Variants in ARHGEF40 observed in about 807,000 individuals in gnomAD.
The protein encoded by ARHGEF40 is Rho guanine nucleotide exchange factor 40.
Under a neutral mutation model 165.9 loss-of-function variants are expected in ARHGEF40, and 98 were observed. The observed-to-expected ratio is 0.59, with a 90% CI of 0.50 to 0.70. The LOEUF is 0.70. Among genes scored for constraint, ARHGEF40 ranks in the 30% least tolerant of loss-of-function variants. ARHGEF40 has a pLI of 0.00. For synonymous variants in ARHGEF40, 792 were observed against 814.3 expected (o/e 0.97, Z 0.47); for missense variants, 1,815 against 1,968.0 (o/e 0.92, Z 1.47).
At position 21,088,219 on chromosome 14, in the gene ARHGEF40, G is replaced by A; in HGVS notation, c.4518+121G>A. 2.4e-6 allele frequency: 3 copies of A among 1,251,682 alleles called. No individual in the cohort carries two copies. The South Asian group carries it at 4.6e-5, about 19-fold the overall frequency. 77.5% of individuals were successfully genotyped at this position (1,251,682 alleles called of 1,614,324 possible). A position where few individuals can be genotyped will look rare whatever the true frequency, so the allele number is the denominator to read the frequency against. ...AAACTGTGAACTTGTGCTCCCAGCT[G>A]AGGCTACAGTCTGGATTTATTATCT... On this transcript the variant is annotated intron_variant, in intron 22 of 23. Coordinates refer to ENST00000298694, the MANE Select transcript of ARHGEF40 (RefSeq NM_018071.5).
Position 21,090,101 on chromosome 14 carries a change from T to C in ARHGEF40, c.*1093T>C, listed in dbSNP as rs560374073. On this transcript the variant is annotated 3_prime_UTR_variant, in exon 24 of 24. Transcript: ENST00000298694. The surrounding 1 kb of genome is among the most constrained non-coding windows in gnomAD (Gnocchi z 4.4). ...CCCTGTGCCTCAAGACACCTGTTTATTGGGGACACGACTCTGCAATAGGGA... is the reference window on the plus strand; with the variant it reads ...CCCTGTGCCTCAAGACACCTGTTTACTGGGGACACGACTCTGCAATAGGGA... The C allele has an allele frequency of 7.8e-6, 3 of 382,686 alleles. No homozygotes were observed. Among genetic ancestry groups the C allele is most frequent in the African/African-American group, 2.1e-5 (1 of 47,816 alleles). 23.7% of individuals were successfully genotyped at this position (382,686 alleles called of 1,614,324 possible).
chr14:21,080,475 T>C (rs77885767), intron 11 of ARHGEF40, among the ~76,000 whole-genome samples, 185 bp from the exon 12 acceptor site: 6,995 of 152,280 alleles, frequency 0.046, 159 homozygotes, highest in South Asian at 0.087. Context: ...GATTTCTTAC[T>C]CGGTTTCTCA....
At position 21,075,467 on chromosome 14, in the gene ARHGEF40, AC is replaced by A; in HGVS notation, c.1587del (p.Leu530Ter). The A allele has an allele frequency of 6.2e-7, 1 of 1,614,134 alleles. No individual in the cohort carries two copies. On this transcript the variant is annotated frameshift_variant, in exon 4 of 24. Coordinates refer to ENST00000298694, the MANE Select transcript of ARHGEF40 (RefSeq NM_018071.5). LOFTEE classifies it high-confidence loss of function. The surrounding 1 kb of genome is among the most constrained non-coding windows in gnomAD (Gnocchi z 4.5). ...TCTGATCACCCTGATGTAGCTTGGG[AC>A]TTGATGGCATCTGGATTCCTCATCC... ...SVSDHPDVAW[D>X]LMASGFLILT...
chr14:21,080,632 C>T, intron 11 of ARHGEF40, 28 bp from the exon 12 acceptor site: 4 of 1,598,632 alleles, frequency 2.5e-6, no homozygotes, highest in African/African-American at 1.3e-5. Flanking sequence ...CTCCATGACC[C>T]CCTGCCCTCC....
In ARHGEF40 at chr14:21,070,457, G is replaced by GC; in HGVS notation, c.3+63dup. On this transcript the variant is annotated intron_variant, in intron 1 of 23. Coordinates refer to ENST00000298694, the MANE Select transcript of ARHGEF40 (RefSeq NM_018071.5). This position sits in a 1 kb window ranked among gnomAD's most constrained non-coding sequence, Gnocchi z 4.7. ...TCGGCCTTCGCGCAGCCCGCTCCGG[G>GC]CCCCCAAGTCCTCAGCCTGGTGCCT... 7.4e-7 allele frequency: 1 copy of GC among 1,354,820 alleles called. No individual in the cohort carries two copies. The highest frequency in any genetic ancestry group is 9.4e-7 in the Non-Finnish European group (1 of 1,059,800). 83.9% of individuals were successfully genotyped at this position (1,354,820 alleles called of 1,614,324 possible).
At chr14:21,086,752 T>A in intron 19 of ARHGEF40, 1 of 458,794 alleles carries the variant, frequency 2.2e-6, no homozygotes, top group South Asian at 2.9e-5. Flanking sequence ...GCAGCTGGGA[T>A]GCCAAACAGC....
At chr14:21,069,627 C>A (rs1407013750), upstream of ARHGEF40, among the ~76,000 whole-genome samples, 1 of 152,248 alleles carries the variant, frequency 6.6e-6, no homozygotes, top group Non-Finnish European at 1.5e-5. Context: ...AACTCCCGCA[C>A]ACTCCCGCCT....
intron 20 of ARHGEF40, 64 bp downstream of exon 20, chr14:21,087,169 G>A: frequency 3.1e-6 from 5 of 1,592,538 alleles, no homozygotes; most frequent in Non-Finnish European, 3.4e-6. Flanking sequence ...AGGATACAAA[G>A]GGGAGGTATG....
rs1374231162 is a variant in ARHGEF40, at chr14:21,082,335, C to G, written c.3343C>G (p.Leu1115Val). ...SEPVPPPGPE[L>V]TPELRGTWAA... Reference sequence around the variant, plus strand: ...GCCAGTGCCACCCCCTGGGCCTGAGCTGACGCCTGAACTTCGGGGCACCTG... The same window carrying G: ...GCCAGTGCCACCCCCTGGGCCTGAGGTGACGCCTGAACTTCGGGGCACCTG... Residue 1115 changes from leucine to valine, a missense_variant, in exon 15 of 24, where the codon CTG becomes GTG. Coordinates refer to ENST00000298694, the MANE Select transcript of ARHGEF40 (RefSeq NM_018071.5). 1.2e-6 allele frequency: 2 copies of G among 1,612,756 alleles called. No individual in the cohort carries two copies. Among genetic ancestry groups the G allele is most frequent in the Admixed American group, 1.7e-5 (1 of 60,006 alleles).
In ARHGEF40 at chr14:21,075,045, G is replaced by A. The variant is rs1393267492; in HGVS notation, c.1315G>A (p.Gly439Arg). The A allele has an allele frequency of 1.9e-6, 3 of 1,613,970 alleles. No individual in the cohort carries two copies. Among genetic ancestry groups the A allele is most frequent in the African/African-American group, 2.7e-5 (2 of 74,934 alleles). Residue 439 changes from glycine (G) to arginine (R), a missense_variant, in exon 3 of 24, where the codon GGG becomes AGG. Transcript: ENST00000298694. The surrounding 1 kb of genome is among the most constrained non-coding windows in gnomAD (Gnocchi z 4.5). Reference sequence around the variant, plus strand: ...GGTTAAGGAGGAATATGAAGGCTCAGGGAAGCCAGAATCTGAGCCAAAAGA... The same window carrying A: ...GGTTAAGGAGGAATATGAAGGCTCAAGGAAGCCAGAATCTGAGCCAAAAGA... ...HLVKEEYEGS[G>R]KPESEPKELK...
chr14:21,083,442 C>T (rs371737842), intron 16 of ARHGEF40, among the ~76,000 whole-genome samples: 2 of 151,606 alleles, frequency 1.3e-5, no homozygotes, highest in Admixed American at 6.6e-5. Context: ...CCCAGCTACT[C>T]GGGAGGCTGA....
At chr14:21,063,112 G>A in the ARHGEF40 span, among the ~76,000 whole-genome samples, 2 of 151,914 alleles carry the variant, frequency 1.3e-5, no homozygotes, top group Non-Finnish European at 2.9e-5. Flanking sequence ...GCTGGGCAAC[G>A]GAGCGAGACC....
the ARHGEF40 span, among the ~76,000 whole-genome samples, chr14:21,061,935 C>T: frequency 2.6e-3 from 395 of 152,034 alleles, 9 homozygotes; most frequent in Admixed American, 0.017. Flanking sequence ...GCTCAAATGC[C>T]CAAATTACTT....
At chr14:21,069,891 C>A (rs1886544639), upstream of ARHGEF40, among the ~76,000 whole-genome samples, 1 of 152,218 alleles carries the variant, frequency 6.6e-6, no homozygotes, top group Non-Finnish European at 1.5e-5. Flanking sequence ...CAGGAAGACC[C>A]CAGTTCTGGG....
rs934903645 is a variant in ARHGEF40 at position 21,075,763 on chromosome 14, C to T, written c.1737C>T (p.Leu579=). 1.2e-6 allele frequency: 2 copies of T among 1,612,332 alleles called. No individual in the cohort carries two copies. Among genetic ancestry groups the T allele is most frequent in the Non-Finnish European group, 1.7e-6 (2 of 1,179,242 alleles). Residue 579 remains leucine (L), a splice_region_variant and synonymous_variant, in exon 5 of 24, where the codon CTC becomes CTT. Transcript: ENST00000298694. This position sits in a 1 kb window ranked among gnomAD's most constrained non-coding sequence, Gnocchi z 4.5. ...CTCTTCATTACCTCCACTCACTGCTCAGGTAACCGAGGCCCAGTCCTGGCA... is the reference window on the plus strand; with the variant it reads ...CTCTTCATTACCTCCACTCACTGCTTAGGTAACCGAGGCCCAGTCCTGGCA... ...NTTLHYLHSL[L]RPDLQTLGLS... is the part of the protein sequence containing the mutation.
In ARHGEF40 at chr14:21,074,383, C is replaced by A. The variant is rs1310608992; in HGVS notation, c.653C>A (p.Pro218His). 1 of 1,613,792 alleles carries A rather than the reference C, an allele frequency of 6.2e-7. No individual in the cohort carries two copies. The change falls in exon 3 of 24, where the codon CCT (proline) becomes CAT (histidine). Residue 218 changes from proline (P) to histidine (H), a missense_variant. Coordinates refer to ENST00000298694, the MANE Select transcript of ARHGEF40 (RefSeq NM_018071.5). This position sits in a 1 kb window ranked among gnomAD's most constrained non-coding sequence, Gnocchi z 4.8. ...CCAGGGCTTCCCAGCCCTCCACTTC[C>A]TGAGGAGGCGCTGGGTACCCGGAGT... is the stretch of plus-strand genomic sequence containing the variant. ...GPPGLPSPPL[P>H]EEALGTRSPG...
At position 21,075,341 on chromosome 14, in the gene ARHGEF40, GC is replaced by G; in HGVS notation, c.1463del (p.Pro488GlnfsTer39). The G allele has an allele frequency of 6.2e-7, 1 of 1,614,030 alleles. No homozygotes were observed. The highest frequency in any genetic ancestry group is 8.5e-7 in the Non-Finnish European group (1 of 1,180,012). Reference protein sequence around the residue: ...PGLLCMAGHTGPEGPLSDTPT... With the variant: ...PGLLCMAGHTXPEGPLSDTPT... ...GTCTGTGTCTGTGCAGGACACACAG[GC>G]CCAGAAGGCCCCCTGTCTGACACTC... On this transcript the variant is annotated frameshift_variant, in exon 4 of 24. Coordinates refer to ENST00000298694, the MANE Select transcript of ARHGEF40 (RefSeq NM_018071.5). LOFTEE classifies it high-confidence loss of function. The surrounding 1 kb of genome is among the most constrained non-coding windows in gnomAD (Gnocchi z 4.5).
chr14:21,080,629 A>G (rs576677029), intron 11 of ARHGEF40, 31 bp from the exon 12 acceptor site: 1 of 1,593,868 alleles, frequency 6.3e-7, no homozygotes, highest in Non-Finnish European at 8.5e-7. Flanking sequence ...CCACTCCATG[A>G]CCCCCTGCCC....
upstream of ARHGEF40, among the ~76,000 whole-genome samples, chr14:21,066,528 GT>G (rs1886277751): frequency 6.6e-6 from 1 of 152,132 alleles, no homozygotes; most frequent in Admixed American, 6.5e-5. Flanking sequence ...CCATGTTGGG[GT>G]TTCCCCATGT....
Sources: gnomAD v4.1 joint callset for allele counts (sites outside exome capture counted in the v4.1 genomes callset) on GRCh38, gnomAD v4.1.1 for gene constraint, Gnocchi (gnomAD v3.1) non-coding constraint, MANE v1.5 for transcripts, NCBI Gene and HGNC (gene_info 2026-07-23, HGNC 2026-07-21) for gene names.